NTN4: variants seen among roughly 807,000 people sequenced by gnomAD.
NTN4 encodes netrin 4.
Under a neutral mutation model 73.6 loss-of-function variants are expected in NTN4, and 32 were observed. The ratio of observed to expected loss-of-function variants is 0.44; its 90% CI spans 0.33 to 0.58. The LOEUF (loss-of-function observed/expected upper bound fraction) is 0.58, where lower values mean the gene tolerates loss of function less well. Among genes scored for constraint, NTN4 ranks in the 20% least tolerant of loss-of-function variants. NTN4 has a pLI of 0.04. For synonymous variants in NTN4, 258 were observed against 287.5 expected, an observed-to-expected ratio of 0.90 and a Z score of 1.04; for missense variants, 654 against 798.3, an observed-to-expected ratio of 0.82 and a Z score of 2.18.
intron 2 of NTN4, among the ~76,000 whole-genome samples, chr12:95,754,600 C>G (rs573573342): frequency 2.0e-5 from 3 of 152,246 alleles, no homozygotes; most frequent in African/African-American, 7.2e-5. Flanking sequence ...CCACCATTGT[C>G]ATTTGTTCCT....
intron 3 of NTN4, among the ~76,000 whole-genome samples, chr12:95,732,029 T>G (rs1194467185): frequency 6.6e-6 from 1 of 152,202 alleles, no homozygotes; most frequent in Non-Finnish European, 1.5e-5. Flanking sequence ...TAATCCATGA[T>G]AGTTTTTTTC....
rs2079133646 is a variant in NTN4 at position 95,781,632 on chromosome 12, T to G, written c.585+5307A>C. Among the ~76,000 whole-genome samples the G allele has an allele frequency of 6.6e-6, 1 of 152,210 alleles. No individual in the cohort carries two copies. Among genetic ancestry groups the G allele is most frequent in the Admixed American group, 6.5e-5 (1 of 15,278 alleles). On this transcript the variant is annotated intron_variant, in intron 2 of 9. Transcript: ENST00000343702. This position sits in a 1 kb window ranked among gnomAD's most constrained non-coding sequence, Gnocchi z 4.1. ...CTTAAAAGTTGGAAGAAAAAAGTTG[T>G]TAAGCTTGATTCTCTCATCTTACCA...
chr12:95,746,863 T>A (rs568372211), intron 2 of NTN4, among the ~76,000 whole-genome samples: 2 of 152,204 alleles, frequency 1.3e-5, no homozygotes, highest in Non-Finnish European at 2.9e-5. Flanking sequence ...TCAGGGATCA[T>A]TGTCCTCTTC....
rs546743488 is a variant in NTN4, at chr12:95,726,969, C to A, written c.864+10897G>T. Among the ~76,000 whole-genome samples, 1,453 of 149,162 alleles carry A rather than the reference C, an allele frequency of 9.7e-3. 27 individuals carry two copies. The highest frequency in any genetic ancestry group is 0.034 in the African/African-American group (1,362 of 40,194). On this transcript the variant is annotated intron_variant, in intron 3 of 9. Coordinates refer to ENST00000343702, the MANE Select transcript of NTN4 (RefSeq NM_021229.4). The stretch of plus-strand genomic sequence containing the variant: ...TGGAAGACAGAGCAAGACTCTGTCT[C>A]AAAAAAAAAAAATTTTTTTGGGGAA...
rs145651414 is a variant in NTN4, at chr12:95,707,894, T to A, written c.1180+2547A>T. Among the ~76,000 whole-genome samples, 1,330 of 151,328 alleles carry A rather than the reference T, an allele frequency of 8.8e-3. 21 individuals carry two copies. The highest frequency in any genetic ancestry group is 0.031 in the African/African-American group (1,252 of 40,666). ...TTAGTGACAAATTATTTTTCTTTTC[T>A]CTTTTATCTGCTTAGTAGTTCAGAC... is the stretch of plus-strand genomic sequence containing the variant. On this transcript the variant is annotated intron_variant, in intron 5 of 9. Transcript: ENST00000343702.
At chr12:95,774,670 T>C (rs1255838642) in intron 2 of NTN4, among the ~76,000 whole-genome samples, 1 of 152,268 alleles carries the variant, frequency 6.6e-6, no homozygotes, top group Non-Finnish European at 1.5e-5. Flanking sequence ...TTCTGCACAC[T>C]TGTGCCATAC....
intron 3 of NTN4, among the ~76,000 whole-genome samples, chr12:95,731,587 C>T (rs951061906): frequency 6.6e-6 from 1 of 151,998 alleles, no homozygotes; most frequent in African/African-American, 2.4e-5. Flanking sequence ...ATCAGCTAAC[C>T]TTTGGGGGTG....
chr12:95,672,197 TCGGGTTG>T, intron 7 of NTN4: 1 of 494,714 alleles, frequency 2.0e-6, no homozygotes, highest in East Asian at 3.5e-5. Context: ...GGCGCAATGG[TCGGGTTG>T]CGGGGGGCGG....
At chr12:95,745,212 A>G in intron 2 of NTN4, among the ~76,000 whole-genome samples, 1 of 152,008 alleles carries the variant, frequency 6.6e-6, no homozygotes, top group Non-Finnish European at 1.5e-5. Context: ...ATTTAGAAAA[A>G]TTTCAACCAT....
intron 1 of NTN4, 86 bp from the exon 2 acceptor site, chr12:95,787,554 A>G: frequency 1.5e-6 from 2 of 1,364,386 alleles, no homozygotes; most frequent in Non-Finnish European, 2.0e-6. Flanking sequence ...ACAGTCAAGG[A>G]TCTCCCCAAA....
chr12:95,786,864 T>C, intron 2 of NTN4, 75 bp downstream of exon 2: 1 of 1,193,524 alleles, frequency 8.4e-7, no homozygotes, highest in South Asian at 1.4e-5. Context: ...TATAGCTTCA[T>C]GCTTTAAAAA....
intron 2 of NTN4, among the ~76,000 whole-genome samples, chr12:95,742,511 T>G (rs1331672742): frequency 1.3e-5 from 2 of 152,236 alleles, no homozygotes; most frequent in Non-Finnish European, 2.9e-5. Context: ...ACTCATATCT[T>G]AACATATTGC....
intron 3 of NTN4, among the ~76,000 whole-genome samples, chr12:95,713,858 C>A (rs2078585727): frequency 6.6e-6 from 1 of 151,840 alleles, no homozygotes; most frequent in Non-Finnish European, 1.5e-5. Context: ...CTAATGGCAC[C>A]CCGTATGATG....
chr12:95,677,247 T>C (rs775532918), intron 7 of NTN4, among the ~76,000 whole-genome samples: 7 of 151,502 alleles, frequency 4.6e-5, no homozygotes, highest in Non-Finnish European at 8.8e-5. Context: ...AAAGAATCGG[T>C]AATTTTCTAG....
chr12:95,785,188 G>A (rs1372845698), intron 2 of NTN4, among the ~76,000 whole-genome samples: 1 of 152,160 alleles, frequency 6.6e-6, no homozygotes, highest in Non-Finnish European at 1.5e-5. Context: ...TTTGCTAAAT[G>A]AGCATGCCTG....
intron 5 of NTN4, among the ~76,000 whole-genome samples, chr12:95,701,758 A>G (rs895943965): frequency 3.3e-5 from 5 of 152,144 alleles, no homozygotes; most frequent in South Asian, 2.1e-4. Context: ...GGGAGGAAAA[A>G]TCTCCTAGAA....
intron 7 of NTN4, among the ~76,000 whole-genome samples, chr12:95,679,557 C>T (rs2078299814): frequency 1.5e-5 from 2 of 136,954 alleles, no homozygotes; most frequent in Admixed American, 1.4e-4. Context: ...TTGACCCTAC[C>T]TCATTTCACC....
chr12:95,771,840 G>C (rs1296072511), intron 2 of NTN4, among the ~76,000 whole-genome samples: 1 of 151,736 alleles, frequency 6.6e-6, no homozygotes. Context: ...ATCATCATTT[G>C]TTATCTGATT....
chr12:95,769,117 GT>G (rs2079038780), intron 2 of NTN4, among the ~76,000 whole-genome samples: 1 of 152,184 alleles, frequency 6.6e-6, no homozygotes, highest in Non-Finnish European at 1.5e-5. Flanking sequence ...TTCCAGGGAA[GT>G]TTTAGGGCAA....
Sources: gnomAD v4.1 joint callset for allele counts (sites outside exome capture counted in the v4.1 genomes callset) on GRCh38, gnomAD v4.1.1 for gene constraint, Gnocchi (gnomAD v3.1) non-coding constraint, MANE v1.5 for transcripts, NCBI Gene and HGNC (gene_info 2026-07-23, HGNC 2026-07-21) for gene names.